KIF26B: variants seen among roughly 807,000 people sequenced by gnomAD.
KIF26B encodes the protein kinesin family member 26B.
In KIF26B, 63 loss-of-function variants were observed where a neutral mutation model predicts 151.2. The ratio of observed to expected loss-of-function variants is 0.42; its 90% CI spans 0.34 to 0.51. The LOEUF (loss-of-function observed/expected upper bound fraction) is 0.51. KIF26B is among the 20% of genes least tolerant of loss of function. The pLI is 0.07. For synonymous variants in KIF26B, 1,357 were observed against 1,262.1 expected, an observed-to-expected ratio of 1.08 and a Z score of -1.59; for missense variants, 2,813 against 2,913.6, an observed-to-expected ratio of 0.97 and a Z score of 0.79.
intron 2 of KIF26B, among the ~76,000 whole-genome samples, chr1:245,284,538 A>T (rs2102969923): frequency 6.6e-6 from 1 of 152,270 alleles, no homozygotes; most frequent in African/African-American, 2.4e-5. Flanking sequence ...CTGTATCCTC[A>T]GTTCATTTCT....
rs1387987375 is a variant in KIF26B, at chr1:245,612,101, TGTGTGAGAGAGA to T, written c.2098+127_2098+138del. ...GTGTGTGTGTGTGTGTGTGTGTGTG[TGTGTGAGAGAGA>T]GAGAGAGAGAGAGAGAGACAGGGTC... On this transcript the variant is annotated intron_variant, in intron 9 of 14. Transcript: ENST00000407071. The T allele has an allele frequency of 8.2e-4, 410 of 500,550 alleles. 1 individual carries two copies. Among genetic ancestry groups the T allele is most frequent in the African/African-American group, 6.9e-3 (304 of 44,230 alleles). The allele number at this position is 500,550 out of a possible 1,614,324, so 31.0% of individuals were successfully genotyped here. A position where few individuals can be genotyped will look rare whatever the true frequency, so the allele number is the denominator to read the frequency against.
intron 4 of KIF26B, among the ~76,000 whole-genome samples, chr1:245,443,023 GGTC>G: frequency 1.9e-5 from 1 of 52,960 alleles, no homozygotes; most frequent in African/African-American, 9.1e-5. Flanking sequence ...CACCTAGAGC[GGTC>G]ATCTCCCTCA....
At chr1:245,314,167 GCGGGGGGCGGTGACTCACACT>G (rs1280521445) in intron 2 of KIF26B, among the ~76,000 whole-genome samples, 2 of 152,134 alleles carry the variant, frequency 1.3e-5, no homozygotes, top group African/African-American at 4.8e-5. Context: ...TTATATTCAG[GCGGGGGGCGGTGACTCACACT>G]TGTAATCCCA....
chr1:245,602,882 C>A lies in KIF26B; in HGVS notation c.1557+99C>A, dbSNP rs147410386. ...TGAGCTGGGAGGGTGTCTTCTGGAG[C>A]ATTCTGATGGACCAGTTCCTTCAGG... On this transcript the variant is annotated intron_variant, in intron 6 of 14. Coordinates refer to ENST00000407071, the MANE Select transcript of KIF26B (RefSeq NM_018012.4). The surrounding 1 kb of genome is among the most constrained non-coding windows in gnomAD (Gnocchi z 4.5). 9.8e-4 allele frequency: 1,053 copies of A among 1,069,130 alleles called. 8 individuals are homozygous for A. The African/African-American group carries it at 0.014, about 15-fold the overall frequency. The allele number at this position is 1,069,130 out of a possible 1,614,324, so 66.2% of individuals were successfully genotyped here. A position where few individuals can be genotyped will look rare whatever the true frequency, so the allele number is the denominator to read the frequency against.
chr1:245,322,941 G>A (rs568349676), intron 2 of KIF26B, among the ~76,000 whole-genome samples: 57 of 152,102 alleles, frequency 3.7e-4, no homozygotes, highest in Non-Finnish European at 6.8e-4. Context: ...ATGGATGAAC[G>A]TTTCTCCAAT....
intron 2 of KIF26B, among the ~76,000 whole-genome samples, chr1:245,224,300 A>G (rs1382850250): frequency 6.6e-6 from 1 of 152,090 alleles, no homozygotes; most frequent in Non-Finnish European, 1.5e-5. Context: ...AAAAAAAAAA[A>G]AAATTCTGTA....
At chr1:245,623,878 C>T (rs1221961633) in intron 9 of KIF26B, among the ~76,000 whole-genome samples, 2 of 152,254 alleles carry the variant, frequency 1.3e-5, no homozygotes, top group East Asian at 3.9e-4. Context: ...CATACATGCA[C>T]AAGTCTTTGT....
intron 4 of KIF26B, among the ~76,000 whole-genome samples, chr1:245,428,852 G>A (rs796657312): frequency 1.1e-3 from 166 of 152,142 alleles, no homozygotes; most frequent in African/African-American, 3.8e-3. Context: ...TGATGTGAAT[G>A]TCTGAAGGCA....
chr1:245,501,104 A>G (rs1660610769), intron 4 of KIF26B, among the ~76,000 whole-genome samples: 1 of 152,164 alleles, frequency 6.6e-6, no homozygotes, highest in African/African-American at 2.4e-5. Context: ...TATTATCCCC[A>G]TTTCGTGGAC....
Position 245,440,895 on chromosome 1 carries a change from C to T in KIF26B, c.1166+21150C>T, listed in dbSNP as rs573326612. ...AGGGACAGTCTCACAGGCAGGCTGC[C>T]GTAGGATGACCTCAGGTGTCCCATG... On this transcript the variant is annotated intron_variant, in intron 4 of 14. Transcript: ENST00000407071. 7.2e-5 allele frequency among the ~76,000 whole-genome samples: 11 copies of T among 152,274 alleles called. No homozygotes were observed. In the East Asian group the frequency reaches 9.6e-4, roughly 13 times the overall value.
chr1:245,566,235 C>G (rs1356667582), intron 5 of KIF26B, among the ~76,000 whole-genome samples: 1 of 152,244 alleles, frequency 6.6e-6, no homozygotes, highest in Admixed American at 6.5e-5. Context: ...TGTCAGTGAG[C>G]CTTTTTCTCA....
At chr1:245,299,977 T>A (rs749163803) in intron 2 of KIF26B, among the ~76,000 whole-genome samples, 5 of 152,220 alleles carry the variant, frequency 3.3e-5, no homozygotes, top group Non-Finnish European at 5.9e-5. Flanking sequence ...TGTCTTGAAC[T>A]GGGTTCCCAT....
chr1:245,545,176 A>G (rs1661717132), intron 5 of KIF26B, among the ~76,000 whole-genome samples: 1 of 150,402 alleles, frequency 6.6e-6, no homozygotes, highest in Non-Finnish European at 1.5e-5. Context: ...ATCTTGGCTC[A>G]CTGCAACCTC....
intron 5 of KIF26B, among the ~76,000 whole-genome samples, chr1:245,591,788 C>A (rs1023062426): frequency 2.6e-5 from 4 of 152,194 alleles, no homozygotes; most frequent in Non-Finnish European, 4.4e-5. Flanking sequence ...CCGTCAGAGT[C>A]CCAATCCTTT....
At position 245,367,040 on chromosome 1, in the gene KIF26B, C is replaced by T; in HGVS notation, c.672C>T (p.Leu224=). 4 of 1,610,550 alleles carry T rather than the reference C, an allele frequency of 2.5e-6. No individual in the cohort carries two copies. The highest frequency in any genetic ancestry group is 2.2e-5 in the East Asian group (1 of 44,694). Residue 224 remains leucine, a synonymous_variant, in exon 3 of 15, where the codon CTC becomes CTT. Coordinates refer to ENST00000407071, the MANE Select transcript of KIF26B (RefSeq NM_018012.4). This position sits in a 1 kb window ranked among gnomAD's most constrained non-coding sequence, Gnocchi z 4.2. ...YDASPCSPPP[L]SNIPTLVGSR... ...CCTCGCCCTGCTCCCCGCCACCGCT[C>T]TCCAACATCCCCACCCTGGTGGGGT...
intron 2 of KIF26B, among the ~76,000 whole-genome samples, chr1:245,192,895 T>C (rs1459921518): frequency 5.4e-4 from 2 of 3,704 alleles, no homozygotes; most frequent in Admixed American, 5.0e-3. Context: ...CAACAGATAA[T>C]TTTTTTTTAC....
intron 2 of KIF26B, among the ~76,000 whole-genome samples, chr1:245,256,053 T>A (rs1670528046): frequency 6.6e-6 from 1 of 152,178 alleles, no homozygotes; most frequent in African/African-American, 2.4e-5. Flanking sequence ...CCTTTGGTGT[T>A]CTGCTGCTTA....
chr1:245,309,490 A>C (rs1308241397), intron 2 of KIF26B, among the ~76,000 whole-genome samples: 1 of 151,930 alleles, frequency 6.6e-6, no homozygotes, highest in Non-Finnish European at 1.5e-5. Context: ...TTTGGGATGG[A>C]ATGACGCCAT....
intron 5 of KIF26B, among the ~76,000 whole-genome samples, chr1:245,545,102 ATTTT>A (rs58563353): frequency 7.2e-6 from 1 of 139,204 alleles, no homozygotes. Context: ...ATACACAGCA[ATTTT>A]TTTTTTTTTT....
Sources: gnomAD v4.1 joint callset for allele counts (sites outside exome capture counted in the v4.1 genomes callset) on GRCh38, gnomAD v4.1.1 for gene constraint, Gnocchi (gnomAD v3.1) non-coding constraint, MANE v1.5 for transcripts, NCBI Gene and HGNC (gene_info 2026-07-23, HGNC 2026-07-21) for gene names.